TENM4: variants seen among roughly 807,000 people sequenced by gnomAD.
TENM4 encodes teneurin-4.
Under a neutral mutation model 243.3 loss-of-function variants are expected in TENM4, and 82 were observed. The observed-to-expected ratio is 0.34, with a 90% CI of 0.28 to 0.40. TENM4 has a LOEUF of 0.40. Ranked by LOEUF, TENM4 falls within the 10% of genes least tolerant of loss-of-function variation. The pLI, the probability that TENM4 is intolerant of heterozygous loss-of-function variation, is 1.00. For missense variants in TENM4, 3,138 were observed against 3,673.3 expected, an observed-to-expected ratio of 0.85 and a Z score of 3.77; for synonymous variants, 1,412 against 1,456.3, an observed-to-expected ratio of 0.97 and a Z score of 0.69.
chr11:79,263,543 G>T (rs1855833515), intron 2 of TENM4, among the ~76,000 whole-genome samples: 1 of 152,218 alleles, frequency 6.6e-6, no homozygotes, highest in African/African-American at 2.4e-5. Flanking sequence ...AGAAAGAAAG[G>T]TGCAAAGAGT....
rs146884310 is a variant in TENM4, at chr11:79,359,579, G to C, written c.-320-62036C>G. ...ATAAGCTTGAAATTTTCCAATAAAA[G>C]TAAAACAAAACAAAAGCATAAAAGT... On this transcript the variant is annotated intron_variant, in intron 1 of 33. Coordinates refer to ENST00000278550, the MANE Select transcript of TENM4 (RefSeq NM_001098816.3). Among the ~76,000 whole-genome samples, 488 of 152,094 alleles carry C rather than the reference G, an allele frequency of 3.2e-3. 2 individuals carry two copies. The highest frequency in any genetic ancestry group is 0.011 in the African/African-American group (468 of 41,492).
intron 27 of TENM4, among the ~76,000 whole-genome samples, chr11:78,706,724 T>G (rs1217278150): frequency 6.6e-6 from 1 of 152,160 alleles, no homozygotes; most frequent in Non-Finnish European, 1.5e-5. Context: ...TATCTAAAGT[T>G]AAACAATTTT....
intron 6 of TENM4, among the ~76,000 whole-genome samples, chr11:79,063,357 T>G (rs865934491): frequency 2.6e-5 from 4 of 152,156 alleles, no homozygotes; most frequent in Middle Eastern, 3.2e-3. Flanking sequence ...GGATCTACAT[T>G]TGAAGCTAGA....
chr11:79,019,669 G>T (rs1858875142), intron 6 of TENM4, among the ~76,000 whole-genome samples: 1 of 152,146 alleles, frequency 6.6e-6, no homozygotes, highest in Non-Finnish European at 1.5e-5. Flanking sequence ...CCATGTACAG[G>T]CTCTGTGCTA....
chr11:78,890,142 A>T (rs1477375681), intron 8 of TENM4, 122 bp from the exon 9 acceptor site: 1 of 710,606 alleles, frequency 1.4e-6, no homozygotes, highest in Non-Finnish European at 2.3e-6. Flanking sequence ...AGAGAGAGTC[A>T]CCACAGAGAC....
chr11:79,289,202 T>C (rs1041555293), intron 2 of TENM4, among the ~76,000 whole-genome samples: 1 of 152,184 alleles, frequency 6.6e-6, no homozygotes, highest in African/African-American at 2.4e-5. Flanking sequence ...TCCAAAGTAT[T>C]GTGTTTGAAA....
chr11:78,989,848 G>A (rs1235861097), intron 6 of TENM4, among the ~76,000 whole-genome samples: 3 of 152,024 alleles, frequency 2.0e-5, no homozygotes, highest in Non-Finnish European at 4.4e-5. Context: ...GAGCCCAGGA[G>A]TTTGAGACCA....
intron 1 of TENM4, among the ~76,000 whole-genome samples, chr11:79,346,690 TA>T (rs1253319236): frequency 6.6e-6 from 1 of 152,210 alleles, no homozygotes; most frequent in African/African-American, 2.4e-5. Flanking sequence ...GCTGGAATTC[TA>T]AAAATCCGCT....
rs139004733 is a variant in TENM4, at chr11:79,180,258, C to G, written c.-162-31452G>C. Among the ~76,000 whole-genome samples, 527 of 151,828 alleles carry G rather than the reference C, an allele frequency of 3.5e-3. 5 individuals are homozygous for G. Among genetic ancestry groups the G allele is most frequent in the African/African-American group, 0.012 (504 of 41,512 alleles). ...GTATTTATGATTCACCCTCCACTCTCAAGTGTCTGAGTGTGGAGCTTCTGT... is the reference window on the plus strand; with the variant it reads ...GTATTTATGATTCACCCTCCACTCTGAAGTGTCTGAGTGTGGAGCTTCTGT... On this transcript the variant is annotated intron_variant, in intron 3 of 33. Coordinates refer to ENST00000278550, the MANE Select transcript of TENM4 (RefSeq NM_001098816.3).
At chr11:78,955,070 C>T (rs1227808812) in intron 6 of TENM4, among the ~76,000 whole-genome samples, 7 of 152,224 alleles carry the variant, frequency 4.6e-5, no homozygotes, top group Admixed American at 1.3e-4. Flanking sequence ...ATGATAGCAG[C>T]GGGCCTCACA....
rs761549007 is a variant in TENM4 at position 78,782,763 on chromosome 11, CTT to C, written c.2365+4133_2365+4134del. On this transcript the variant is annotated intron_variant, in intron 16 of 33. Coordinates refer to ENST00000278550, the MANE Select transcript of TENM4 (RefSeq NM_001098816.3). Reference sequence around the variant, plus strand: ...CATGCGCAACAGAGTGAGACTCTGTCTTTTTTTTTAAAAAAAAAAAAACTGGA... The same window carrying C: ...CATGCGCAACAGAGTGAGACTCTGTCTTTTTTTAAAAAAAAAAAAACTGGA... Among the ~76,000 whole-genome samples the C allele has an allele frequency of 8.7e-3, 792 of 91,554 alleles. 8 individuals are homozygous for C. Among genetic ancestry groups the C allele is most frequent in the African/African-American group, 0.021 (672 of 32,144 alleles). The allele number at this position is 91,554 out of a possible 152,430, so 60.1% of individuals were successfully genotyped here. A position where few individuals can be genotyped will look rare whatever the true frequency, so the allele number is the denominator to read the frequency against.
At chr11:79,318,609 C>T (rs904566497) in intron 1 of TENM4, among the ~76,000 whole-genome samples, 10 of 152,268 alleles carry the variant, frequency 6.6e-5, no homozygotes, top group African/African-American at 2.4e-4. Context: ...CATCATATAG[C>T]ATTTCCACCT....
chr11:79,225,710 C>T (rs944983689), intron 2 of TENM4, among the ~76,000 whole-genome samples: 1 of 152,154 alleles, frequency 6.6e-6, no homozygotes, highest in African/African-American at 2.4e-5. Flanking sequence ...AACTCCTGAG[C>T]TCAAGCAATC....
At chr11:79,002,741 A>C (rs1858365753) in intron 6 of TENM4, among the ~76,000 whole-genome samples, 1 of 152,240 alleles carries the variant, frequency 6.6e-6, no homozygotes, top group African/African-American at 2.4e-5. Context: ...CAAAAAGCCA[A>C]GGGGTCTTCT....
chr11:79,231,948 C>T (rs111658882), intron 2 of TENM4, among the ~76,000 whole-genome samples: 3,287 of 152,216 alleles, frequency 0.022, 141 homozygotes, highest in African/African-American at 0.076. Context: ...GGCGTGGTAG[C>T]ACATGCTTTT....
chr11:78,694,455 C>A (rs1205011306), intron 28 of TENM4, among the ~76,000 whole-genome samples: 1 of 152,212 alleles, frequency 6.6e-6, no homozygotes, highest in Non-Finnish European at 1.5e-5. Context: ...ACTTGCTGTC[C>A]ATTTCCTACA....
chr11:79,084,166 G>A (rs1860746882), intron 4 of TENM4, among the ~76,000 whole-genome samples: 1 of 152,160 alleles, frequency 6.6e-6, no homozygotes, highest in African/African-American at 2.4e-5. Flanking sequence ...ACCACAGTGA[G>A]CTATCACCAT....
intron 3 of TENM4, among the ~76,000 whole-genome samples, chr11:79,160,447 ACTTGGGGAGAGCCT>A (rs1862719188): frequency 6.6e-6 from 1 of 151,908 alleles, no homozygotes; most frequent in African/African-American, 2.4e-5. Context: ...AGCTCGGGGG[ACTTGGGGAGAGCCT>A]CTCTTCTCCA....
At chr11:78,862,141 C>A (rs925708555) in intron 10 of TENM4, among the ~76,000 whole-genome samples, 2 of 152,154 alleles carry the variant, frequency 1.3e-5, no homozygotes, top group Non-Finnish European at 1.5e-5. Flanking sequence ...GAATTTCACA[C>A]CCACATCTCC....
Sources: gnomAD v4.1 joint callset for allele counts (sites outside exome capture counted in the v4.1 genomes callset) on GRCh38, gnomAD v4.1.1 for gene constraint, MANE v1.5 for transcripts, NCBI Gene and HGNC (gene_info 2026-07-23, HGNC 2026-07-21) for gene names.